The following BRINP3 variants were observed in gnomAD, a reference collection of about 807,000 sequenced individuals.
BRINP3 encodes BMP/retinoic acid-inducible neural-specific protein 3.
Under a neutral mutation model 71.0 loss-of-function variants are expected in BRINP3, and 19 were observed. That is an observed-to-expected ratio of 0.27 (90% CI 0.19 to 0.39). The LOEUF (loss-of-function observed/expected upper bound fraction) is 0.39, where lower values mean the gene tolerates loss of function less well. Among genes scored for constraint, BRINP3 ranks in the 10% least tolerant of loss-of-function variants. The pLI, the probability that BRINP3 is intolerant of heterozygous loss-of-function variation, is 1.00. For missense variants in BRINP3, 959 were observed against 940.8 expected (o/e 1.02, Z -0.25); for synonymous variants, 380 against 337.7 (o/e 1.13, Z -1.37).
Position 190,098,366 on chromosome 1 carries a change from A to C in BRINP3, c.1953T>G (p.Phe651Leu), listed in dbSNP as rs775674528. Residue 651 changes from phenylalanine (F) to leucine (L), a missense_variant, in exon 8 of 8, where the codon TTT becomes TTG. By Grantham distance (22) the Phe-to-Leu change is conservative. Transcript: ENST00000367462. ...AGCCCAGGTTCCGGGAAGGGTCAAT[A>C]AACTCCAGAGGTTCATAGTAAATGC... Reference protein sequence around the residue: ...NESIYYEPLEFIDPSRNLGYM... With the variant: ...NESIYYEPLELIDPSRNLGYM... 6.2e-7 allele frequency: 1 copy of C among 1,614,168 alleles called. No individual in the cohort carries two copies.
intron 1 of BRINP3, chr1:190,474,596 T>G (rs1677373619): frequency 6.6e-6 from 1 of 152,548 alleles, no homozygotes; most frequent in Non-Finnish European, 1.5e-5. Context: ...CCTAGTCACC[T>G]TTTCCTTCTT....
At chr1:190,463,481 G>T (rs1676532496) in intron 1 of BRINP3, among the ~76,000 whole-genome samples, 2 of 150,854 alleles carry the variant, frequency 1.3e-5, no homozygotes, top group South Asian at 2.1e-4. Context: ...AAATATCCTG[G>T]GTACAAAAAA....
chr1:190,248,206 G>A (rs1571499938), intron 4 of BRINP3, among the ~76,000 whole-genome samples: 1 of 151,030 alleles, frequency 6.6e-6, no homozygotes, highest in South Asian at 2.1e-4. Context: ...ACGTAATTGC[G>A]GTTTTTGCCA....
chr1:190,142,689 C>T (rs1441181466), intron 7 of BRINP3, among the ~76,000 whole-genome samples: 1 of 151,452 alleles, frequency 6.6e-6, no homozygotes, highest in African/African-American at 2.4e-5. Context: ...AGAGTATAAC[C>T]TATCAGAAAT....
chr1:190,273,288 G>A (rs1398446056), intron 3 of BRINP3, among the ~76,000 whole-genome samples: 1 of 151,418 alleles, frequency 6.6e-6, no homozygotes, highest in Non-Finnish European at 1.5e-5. Context: ...AGTCATTTTT[G>A]TTCATTTTTT....
intron 2 of BRINP3, among the ~76,000 whole-genome samples, chr1:190,356,656 TA>T (rs1232978717): frequency 6.6e-6 from 1 of 151,940 alleles, no homozygotes. Flanking sequence ...AGAATGAGCC[TA>T]ACCAAATAAT....
intron 1 of BRINP3, among the ~76,000 whole-genome samples, chr1:190,467,739 A>G (rs1246175726): frequency 1.3e-5 from 2 of 151,612 alleles, no homozygotes; most frequent in East Asian, 3.8e-4. Flanking sequence ...TTTAACTTCT[A>G]AAATAGCCCA....
At chr1:190,325,491 C>T (rs574258804) in intron 2 of BRINP3, among the ~76,000 whole-genome samples, 5 of 151,982 alleles carry the variant, frequency 3.3e-5, no homozygotes, top group African/African-American at 9.6e-5. Context: ...GAGAAGTCAT[C>T]GGAAGTAGAT....
At chr1:190,424,514 C>T (rs1355693615) in intron 2 of BRINP3, among the ~76,000 whole-genome samples, 3 of 151,592 alleles carry the variant, frequency 2.0e-5, no homozygotes, top group Non-Finnish European at 4.4e-5. Context: ...TTATACATTC[C>T]TTTAATTCAG....
intron 3 of BRINP3, among the ~76,000 whole-genome samples, chr1:190,266,010 T>C (rs1558125772): frequency 6.6e-6 from 1 of 152,200 alleles, no homozygotes; most frequent in Non-Finnish European, 1.5e-5. Flanking sequence ...AAACGTAAAG[T>C]GTATTACAAT....
intron 2 of BRINP3, chr1:190,342,546 C>CATATATAT (rs149514586): frequency 1.4e-4 from 20 of 147,252 alleles, no homozygotes; most frequent in African/African-American, 9.9e-5. Flanking sequence ...GGCACTTGCC[C>CATATATAT]ATATATATAT....
At chr1:190,346,053 C>A (rs1668003614) in intron 2 of BRINP3, among the ~76,000 whole-genome samples, 1 of 151,696 alleles carries the variant, frequency 6.6e-6, no homozygotes, top group Admixed American at 6.6e-5. Flanking sequence ...GACATGAGAA[C>A]AATAAAAGGG....
chr1:190,432,294 A>G (rs1674151033), intron 2 of BRINP3, among the ~76,000 whole-genome samples: 2 of 152,124 alleles, frequency 1.3e-5, no homozygotes, highest in South Asian at 4.1e-4. Flanking sequence ...AAACAATGCA[A>G]TTTCTGGTTG....
intron 5 of BRINP3, among the ~76,000 whole-genome samples, chr1:190,232,468 T>G (rs1458881030): frequency 2.6e-5 from 4 of 152,038 alleles, no homozygotes; most frequent in African/African-American, 7.2e-5. Context: ...TGAAATTGAC[T>G]TCCTAATAGT....
rs368355338 is a variant in BRINP3, at chr1:190,444,058, A to T, written c.236+10597T>A. Among the ~76,000 whole-genome samples, 220 of 151,730 alleles carry T rather than the reference A, an allele frequency of 1.4e-3. 7 individuals are homozygous for T. The South Asian group carries it at 0.045, about 31-fold the overall frequency. ...GACCAGCCTGACCAAAATTGAGAAA[A>T]CCTGTCTCTACTAAAAGTACAAAAT... is the stretch of plus-strand genomic sequence containing the variant. On this transcript the variant is annotated intron_variant, in intron 2 of 7. Coordinates refer to ENST00000367462, the MANE Select transcript of BRINP3 (RefSeq NM_199051.3).
chr1:190,451,971 C>T (rs1412156770), intron 2 of BRINP3, among the ~76,000 whole-genome samples: 1 of 152,138 alleles, frequency 6.6e-6, no homozygotes, highest in East Asian at 1.9e-4. Context: ...GAAACAATGT[C>T]AATGCAATAT....
chr1:190,260,523 T>A (rs1661094925), intron 4 of BRINP3, among the ~76,000 whole-genome samples: 1 of 152,018 alleles, frequency 6.6e-6, no homozygotes, highest in Non-Finnish European at 1.5e-5. Context: ...TTCTTGGGTA[T>A]TCTTAAAGTA....
chr1:190,152,924 C>A (rs1656542618), intron 7 of BRINP3, among the ~76,000 whole-genome samples: 1 of 151,980 alleles, frequency 6.6e-6, no homozygotes, highest in Admixed American at 6.6e-5. Context: ...CAACTCACAA[C>A]TGTCTAAGAT....
intron 2 of BRINP3, among the ~76,000 whole-genome samples, chr1:190,409,233 C>T (rs1672497672): frequency 6.6e-6 from 1 of 151,958 alleles, no homozygotes; most frequent in Non-Finnish European, 1.5e-5. Context: ...AAGACCCTGT[C>T]TCTAAAAATA....
Sources: gnomAD v4.1 joint callset for allele counts (sites outside exome capture counted in the v4.1 genomes callset) on GRCh38, gnomAD v4.1.1 for gene constraint, MANE v1.5 for transcripts, NCBI Gene and HGNC (gene_info 2026-07-23, HGNC 2026-07-21) for gene names.